The following GNAO1 variants were observed in gnomAD, a reference collection of about 807,000 sequenced individuals.
The protein encoded by GNAO1 is guanine nucleotide-binding protein G(o) subunit alpha.
For synonymous variants in GNAO1, 164 were observed against 180.7 expected (o/e 0.91, Z 0.74); for missense variants, 166 against 478.7 (o/e 0.35, Z 6.10).
chr16:56,221,506 T>G lies in GNAO1; in HGVS notation c.161+28890T>G, dbSNP rs1395394168. 4.6e-5 allele frequency among the ~76,000 whole-genome samples: 7 copies of G among 151,938 alleles called. No individual in the cohort carries two copies. In the South Asian group the frequency reaches 8.3e-4, roughly 18 times the overall value. ...CTCTACTAAAAATACAAAAATTAGCTGGGTGTGGTGGTGTACACTTGTAAT... is the reference window on the plus strand; with the variant it reads ...CTCTACTAAAAATACAAAAATTAGCGGGGTGTGGTGGTGTACACTTGTAAT... On this transcript the variant is annotated intron_variant, in intron 2 of 8. Coordinates refer to ENST00000262493, the MANE Select transcript of GNAO1 (RefSeq NM_020988.3).
chr16:56,264,868 A>G (rs1441333752), intron 2 of GNAO1, among the ~76,000 whole-genome samples: 1 of 150,852 alleles, frequency 6.6e-6, no homozygotes, highest in Non-Finnish European at 1.5e-5. Context: ...ATTAATAATT[A>G]CTAAAGTGGT....
At chr16:56,234,716 C>A (rs2036621005) in intron 2 of GNAO1, among the ~76,000 whole-genome samples, 1 of 152,146 alleles carries the variant, frequency 6.6e-6, no homozygotes, top group South Asian at 2.1e-4. Context: ...GGGACCAGCC[C>A]CTTCCCCTCT....
intron 3 of GNAO1, among the ~76,000 whole-genome samples, chr16:56,296,528 G>A (rs1190158220): frequency 2.0e-5 from 3 of 152,130 alleles, no homozygotes; most frequent in South Asian, 2.1e-4. Context: ...CTTAAGCGGC[G>A]TGTCTGGGCT....
intron 6 of GNAO1, chr16:56,346,902 A>G: frequency 2.0e-6 from 2 of 985,372 alleles, no homozygotes; most frequent in Non-Finnish European, 2.4e-6. Flanking sequence ...GGATGGTCTC[A>G]CCCATGCCCT....
chr16:56,253,129 G>T (rs190978251), intron 2 of GNAO1, among the ~76,000 whole-genome samples: 2 of 152,308 alleles, frequency 1.3e-5, no homozygotes, highest in Non-Finnish European at 2.9e-5. Flanking sequence ...AGCTGCTCCT[G>T]GTCCTGGGCC....
At chr16:56,325,386 G>A (rs1399847692) in intron 3 of GNAO1, among the ~76,000 whole-genome samples, 1 of 152,208 alleles carries the variant, frequency 6.6e-6, no homozygotes, top group Non-Finnish European at 1.5e-5. Context: ...TAAGCCAGGA[G>A]AATCTCTTGA....
At chr16:56,210,515 T>C (rs986781061) in intron 2 of GNAO1, among the ~76,000 whole-genome samples, 3 of 152,268 alleles carry the variant, frequency 2.0e-5, no homozygotes, top group East Asian at 1.9e-4. Context: ...TATATAGATA[T>C]ATCATCTTGC....
chr16:56,282,512 A>G (rs767557171), intron 3 of GNAO1, among the ~76,000 whole-genome samples: 24 of 152,248 alleles, frequency 1.6e-4, no homozygotes, highest in Non-Finnish European at 2.5e-4. Context: ...ACCCAAGGTC[A>G]TATTACCAAG....
At chr16:56,214,746 C>T (rs1464931976) in intron 2 of GNAO1, among the ~76,000 whole-genome samples, 4 of 152,198 alleles carry the variant, frequency 2.6e-5, no homozygotes, top group African/African-American at 7.2e-5. Context: ...AGTAGCTGTC[C>T]CTCTGTCCCA....
intron 2 of GNAO1, among the ~76,000 whole-genome samples, chr16:56,246,911 A>G (rs1259361157): frequency 2.0e-5 from 3 of 152,216 alleles, no homozygotes; most frequent in Non-Finnish European, 4.4e-5. Flanking sequence ...GCTCTTCATT[A>G]TGTAATGCCT....
intron 5 of GNAO1, 95 bp downstream of exon 5, chr16:56,334,952 C>A (rs2037726581): frequency 2.2e-6 from 3 of 1,363,828 alleles, no homozygotes; most frequent in Non-Finnish European, 3.1e-6. Flanking sequence ...CAAACATCAT[C>A]CTGCCCCAGG....
chr16:56,196,132 G>C (rs1273974652), intron 2 of GNAO1, among the ~76,000 whole-genome samples: 1 of 151,914 alleles, frequency 6.6e-6, no homozygotes, highest in Non-Finnish European at 1.5e-5. Context: ...ATAGTGTTTT[G>C]GGTTCCCCCC....
rs1229206974 is a variant in GNAO1, at chr16:56,311,040, G to A, written c.304-17591G>A. ...GGTTGTGGCCTACAGAAAAGTTCCCGACTAGCAGACCATGAGAGGGCTGAA... is the reference window on the plus strand; with the variant it reads ...GGTTGTGGCCTACAGAAAAGTTCCCAACTAGCAGACCATGAGAGGGCTGAA... On this transcript the variant is annotated intron_variant, in intron 3 of 8. Coordinates refer to ENST00000262493, the MANE Select transcript of GNAO1 (RefSeq NM_020988.3). The surrounding 1 kb of genome is among the most constrained non-coding windows in gnomAD (Gnocchi z 5.2). 2.6e-5 allele frequency among the ~76,000 whole-genome samples: 4 copies of A among 152,108 alleles called. No individual in the cohort carries two copies. The highest frequency in any genetic ancestry group is 1.3e-4 in the Admixed American group (2 of 15,286).
chr16:56,283,768 G>A (rs1453158562), intron 3 of GNAO1, among the ~76,000 whole-genome samples: 1 of 152,204 alleles, frequency 6.6e-6, no homozygotes, highest in Non-Finnish European at 1.5e-5. Flanking sequence ...GGAAGAGGAT[G>A]TAGATGTGTC....
chr16:56,215,799 A>T (rs912221788), intron 2 of GNAO1, among the ~76,000 whole-genome samples: 5 of 152,160 alleles, frequency 3.3e-5, no homozygotes, highest in Admixed American at 2.0e-4. Context: ...TACATACATG[A>T]TATGTATCAT....
intron 3 of GNAO1, 113 bp from the exon 4 acceptor site, chr16:56,328,518 T>C (rs1203623023): frequency 1.8e-6 from 2 of 1,087,154 alleles, no homozygotes; most frequent in African/African-American, 3.1e-5. Context: ...GCTGCGGTCC[T>C]GCTGCACTGG....
intron 2 of GNAO1, among the ~76,000 whole-genome samples, chr16:56,200,470 C>T (rs1269398695): frequency 6.6e-6 from 1 of 152,140 alleles, no homozygotes; most frequent in Non-Finnish European, 1.5e-5. Flanking sequence ...GTTTATCAAC[C>T]TGTGAGCAAA....
chr16:56,354,479 C>G lies in GNAO1; in HGVS notation c.878-387C>G, dbSNP rs2037950721. ...TCACCTGAGGTCAGGAGTTCGAGAC[C>G]AACCTGGCCAACATGGTGAAACCCC... On this transcript the variant is annotated intron_variant, in intron 7 of 8. Transcript: ENST00000262493. The surrounding 1 kb of genome is among the most constrained non-coding windows in gnomAD (Gnocchi z 4.3). 6.6e-6 allele frequency among the ~76,000 whole-genome samples: 1 copy of G among 152,114 alleles called. No homozygotes were observed. The highest frequency in any genetic ancestry group is 1.5e-5 in the Non-Finnish European group (1 of 68,020).
At chr16:56,261,347 G>A (rs1358076390) in intron 2 of GNAO1, among the ~76,000 whole-genome samples, 4 of 152,218 alleles carry the variant, frequency 2.6e-5, no homozygotes, top group Non-Finnish European at 5.9e-5. Flanking sequence ...ACGCTTAGGA[G>A]GCTCTGTGGC....
Sources: allele counts gnomAD v4.1 joint callset (sites outside exome capture counted in the v4.1 genomes callset), GRCh38; gene constraint gnomAD v4.1.1; non-coding constraint Gnocchi (gnomAD v3.1); transcripts MANE v1.5; gene names NCBI Gene and HGNC (gene_info 2026-07-23, HGNC 2026-07-21).